The following ANGPT1 variants were observed in gnomAD, a reference collection of about 807,000 sequenced individuals.
ANGPT1 encodes angiopoietin-1.
Under a neutral mutation model 62.2 loss-of-function variants are expected in ANGPT1, and 17 were observed. The ratio of observed to expected loss-of-function variants is 0.27; its 90% CI spans 0.19 to 0.41. The LOEUF (loss-of-function observed/expected upper bound fraction) is 0.41. Among genes scored for constraint, ANGPT1 ranks in the 10% least tolerant of loss-of-function variants. The pLI is 1.00. For missense variants in ANGPT1, 478 were observed against 594.9 expected, an observed-to-expected ratio of 0.80 and a Z score of 2.04; for synonymous variants, 199 against 198.9, an observed-to-expected ratio of 1.00 and a Z score of 0.00.
chr8:107,352,959 G>A (rs1246462474), intron 1 of ANGPT1, among the ~76,000 whole-genome samples: 2 of 151,426 alleles, frequency 1.3e-5, no homozygotes, highest in Non-Finnish European at 2.9e-5. Flanking sequence ...TAGGTTTATG[G>A]CCTTATTAAA....
At chr8:107,362,955 A>G (rs2445351) in intron 1 of ANGPT1, among the ~76,000 whole-genome samples, 1 of 152,006 alleles carries the variant, frequency 6.6e-6, no homozygotes, top group Non-Finnish European at 1.5e-5. Context: ...TGCAATCTAC[A>G]TGACTTCTTC....
intron 2 of ANGPT1, among the ~76,000 whole-genome samples, chr8:107,340,417 A>T (rs1164012358): frequency 2.0e-5 from 3 of 152,146 alleles, no homozygotes; most frequent in Non-Finnish European, 4.4e-5. Context: ...TAAAAATGAA[A>T]ATTATTAGTT....
intron 3 of ANGPT1, among the ~76,000 whole-genome samples, chr8:107,329,460 G>A (rs950600120): frequency 6.6e-6 from 1 of 152,022 alleles, no homozygotes; most frequent in Non-Finnish European, 1.5e-5. Flanking sequence ...AATTTTAAAG[G>A]TGGGCTGAAT....
intron 4 of ANGPT1, among the ~76,000 whole-genome samples, chr8:107,310,173 T>G (rs973540973): frequency 3.3e-5 from 5 of 152,198 alleles, no homozygotes; most frequent in African/African-American, 1.2e-4. Flanking sequence ...TAGCATTAAT[T>G]GAACACTTAC....
chr8:107,437,573 C>G (rs1443720774), intron 1 of ANGPT1, among the ~76,000 whole-genome samples: 1 of 152,042 alleles, frequency 6.6e-6, no homozygotes, highest in Non-Finnish European at 1.5e-5. Context: ...ATGTGTAAGT[C>G]ATTATGAACT....
In ANGPT1 at chr8:107,250,668, C is replaced by T. The variant is rs1426822103; in HGVS notation, c.*1187G>A. 3.3e-5 allele frequency: 5 copies of T among 151,956 alleles called. No individual in the cohort carries two copies. Among genetic ancestry groups the T allele is most frequent in the Non-Finnish European group, 5.9e-5 (4 of 67,948 alleles). 9.4% of individuals were successfully genotyped at this position (151,956 alleles called of 1,614,324 possible). A position where few individuals can be genotyped will look rare whatever the true frequency, so the allele number is the denominator to read the frequency against. On this transcript the variant is annotated 3_prime_UTR_variant, in exon 9 of 9. Transcript: ENST00000517746. ...TAGGTTTTTTGCAGATATAAACATG[C>T]TATGTACAATGATATTTATAATTAT...
At chr8:107,386,773 G>A (rs1816739296) in intron 1 of ANGPT1, among the ~76,000 whole-genome samples, 2 of 151,992 alleles carry the variant, frequency 1.3e-5, no homozygotes, top group Admixed American at 6.6e-5. Flanking sequence ...GCAAATGTTA[G>A]CTATTATTAT....
At chr8:107,464,640 C>T (rs751321914) in intron 1 of ANGPT1, among the ~76,000 whole-genome samples, 14 of 152,138 alleles carry the variant, frequency 9.2e-5, no homozygotes, top group Admixed American at 2.0e-4. Flanking sequence ...GGTTTTATGA[C>T]GTTGGACAAT....
chr8:107,396,673 A>G (rs2130317644), intron 1 of ANGPT1, among the ~76,000 whole-genome samples: 1 of 151,522 alleles, frequency 6.6e-6, no homozygotes, highest in South Asian at 2.1e-4. Flanking sequence ...GGCCAGTGTC[A>G]CCATGCCTGG....
intron 1 of ANGPT1, among the ~76,000 whole-genome samples, chr8:107,393,653 T>C (rs1816878275): frequency 6.6e-6 from 1 of 151,890 alleles, no homozygotes; most frequent in Non-Finnish European, 1.5e-5. Context: ...CTACTAAAAA[T>C]ACAAAAATTA....
chr8:107,495,190 G>C (rs1813060710), intron 1 of ANGPT1, among the ~76,000 whole-genome samples: 1 of 152,098 alleles, frequency 6.6e-6, no homozygotes, highest in Non-Finnish European at 1.5e-5. Context: ...CAATCACATT[G>C]ACAATGACAA....
intron 4 of ANGPT1, among the ~76,000 whole-genome samples, chr8:107,303,648 T>C (rs1028472547): frequency 6.6e-6 from 1 of 151,682 alleles, no homozygotes; most frequent in Non-Finnish European, 1.5e-5. Context: ...TTCCAAAACA[T>C]CAACTTAAGG....
chr8:107,281,073 TTCTA>T (rs981728396), intron 7 of ANGPT1, among the ~76,000 whole-genome samples: 2 of 152,316 alleles, frequency 1.3e-5, no homozygotes, highest in African/African-American at 4.8e-5. Context: ...AGATTTTATT[TTCTA>T]TCTGAGAAAA....
At chr8:107,494,792 T>TA in intron 1 of ANGPT1, 2 of 152,288 alleles carry the variant, frequency 1.3e-5, no homozygotes, top group Middle Eastern at 6.8e-3. Flanking sequence ...ATAGCTTCAT[T>TA]TAGAGTTGAT....
At chr8:107,337,123 T>C (rs1363835796) in intron 2 of ANGPT1, among the ~76,000 whole-genome samples, 2 of 152,156 alleles carry the variant, frequency 1.3e-5, no homozygotes, top group Admixed American at 6.5e-5. Context: ...ACTTTACAAA[T>C]GAGAAAACTG....
chr8:107,264,292 C>A lies in ANGPT1; in HGVS notation c.1265G>T (p.Gly422Val), dbSNP rs1308639547. The A allele has an allele frequency of 6.2e-7, 1 of 1,613,972 alleles. No homozygotes were observed. Among genetic ancestry groups the A allele is most frequent in the South Asian group, 1.1e-5 (1 of 91,072 alleles). Residue 422 changes from glycine to valine, a missense_variant, in exon 8 of 9, where the codon GGT (glycine) becomes GTT (valine). Physicochemically the swap from Gly to Val is moderately radical, Grantham distance 109. Coordinates refer to ENST00000517746, the MANE Select transcript of ANGPT1 (RefSeq NM_001146.5). ...AGKQSSLILHGADFSTKDADN... is the reference protein window; with the variant it reads ...AGKQSSLILHVADFSTKDADN... ...AGCATCTTTAGTGCTGAAATCAGCA[C>A]CGTGTAAGATCAGGCTGCTCTGTTT...
intron 6 of ANGPT1, among the ~76,000 whole-genome samples, chr8:107,291,409 G>T (rs1563553006): frequency 6.6e-6 from 1 of 151,050 alleles, no homozygotes; most frequent in East Asian, 2.0e-4. Flanking sequence ...GACTATAATT[G>T]TGTTTTGTTT....
chr8:107,421,103 G>A lies in ANGPT1; in HGVS notation c.298-74006C>T, dbSNP rs1273242728. On this transcript the variant is annotated intron_variant, in intron 1 of 8. Coordinates refer to ENST00000517746, the MANE Select transcript of ANGPT1 (RefSeq NM_001146.5). ...CTATCTCATCAGTTTTTGTAGAAAT[G>A]TATGACAATATTTTATTTTATATTG... 3.3e-5 allele frequency among the ~76,000 whole-genome samples: 5 copies of A among 152,040 alleles called. No homozygotes were observed. The South Asian group carries it at 6.2e-4, about 19-fold the overall frequency.
intron 1 of ANGPT1, among the ~76,000 whole-genome samples, chr8:107,374,349 T>C (rs1001715525): frequency 6.6e-6 from 1 of 152,214 alleles, no homozygotes; most frequent in Non-Finnish European, 1.5e-5. Context: ...TTTAATTGTA[T>C]TTTACACAAT....
Sources: gnomAD v4.1 joint callset for allele counts (sites outside exome capture counted in the v4.1 genomes callset) on GRCh38, gnomAD v4.1.1 for gene constraint, MANE v1.5 for transcripts, NCBI Gene and HGNC (gene_info 2026-07-23, HGNC 2026-07-21) for gene names.